KHDRBS2: variants seen among roughly 807,000 people sequenced by gnomAD.
KHDRBS2 encodes the protein KH RNA binding domain containing, signal transduction associated 2.
In KHDRBS2, 26 loss-of-function variants were observed where a neutral mutation model predicts 44.3. That is an observed-to-expected ratio of 0.59 (90% CI 0.43 to 0.81). The LOEUF is 0.81. Ranked by LOEUF, KHDRBS2 falls within the 40% of genes least tolerant of loss-of-function variation. The pLI is 0.00. For missense variants in KHDRBS2, 476 were observed against 433.1 expected, an observed-to-expected ratio of 1.10 and a Z score of -0.88; for synonymous variants, 194 against 151.1, an observed-to-expected ratio of 1.28 and a Z score of -2.08.
At chr6:61,846,824 G>A (rs1413035604) in intron 6 of KHDRBS2, among the ~76,000 whole-genome samples, 1 of 151,626 alleles carries the variant, frequency 6.6e-6, no homozygotes, top group Non-Finnish European at 1.5e-5. Context: ...ATAGGATATT[G>A]TTGATTAATT....
intron 6 of KHDRBS2, among the ~76,000 whole-genome samples, chr6:61,864,239 C>T (rs1200562556): frequency 2.0e-5 from 3 of 152,154 alleles, no homozygotes; most frequent in African/African-American, 7.2e-5. Flanking sequence ...GCTTGCCACT[C>T]TGTGTCTTTT....
At position 61,809,460 on chromosome 6, in the gene KHDRBS2, A is replaced by T. The variant is rs1268082313; in HGVS notation, c.811-76696T>A. On this transcript the variant is annotated intron_variant, in intron 6 of 8. Transcript: ENST00000281156. Reference sequence around the variant, plus strand: ...GCACACAAGCCTGAAATGCTTAGCTATTGTAATATCTGAGCTGTTATCAGA... The same window carrying T: ...GCACACAAGCCTGAAATGCTTAGCTTTTGTAATATCTGAGCTGTTATCAGA... Among the ~76,000 whole-genome samples, 3 of 152,226 alleles carry T rather than the reference A, an allele frequency of 2.0e-5. No homozygotes were observed. The East Asian group carries it at 5.8e-4, about 29-fold the overall frequency.
At chr6:61,992,689 T>C (rs192122419) in intron 3 of KHDRBS2, among the ~76,000 whole-genome samples, 9 of 152,274 alleles carry the variant, frequency 5.9e-5, no homozygotes, top group African/African-American at 1.9e-4. Flanking sequence ...AAATCATATA[T>C]AAATGGTTAA....
chr6:62,250,272 CTT>C (rs1342680943), intron 1 of KHDRBS2, among the ~76,000 whole-genome samples: 1 of 152,082 alleles, frequency 6.6e-6, no homozygotes, highest in Non-Finnish European at 1.5e-5. Context: ...AACATTATCT[CTT>C]GATATTTCCT....
At chr6:62,223,227 GGCTCAACACCGC>G (rs1831192213) in intron 1 of KHDRBS2, among the ~76,000 whole-genome samples, 1 of 152,214 alleles carries the variant, frequency 6.6e-6, no homozygotes, top group African/African-American at 2.4e-5. Flanking sequence ...TGCACTCGCA[GGCTCAACACCGC>G]GTGGAGGCTG....
At chr6:61,781,595 T>C (rs561992949) in intron 6 of KHDRBS2, among the ~76,000 whole-genome samples, 2 of 152,336 alleles carry the variant, frequency 1.3e-5, no homozygotes, top group South Asian at 2.1e-4. Flanking sequence ...TTTATTTCAT[T>C]TATGTATTTT....
At chr6:62,063,893 C>T (rs1792779629) in intron 2 of KHDRBS2, among the ~76,000 whole-genome samples, 1 of 137,164 alleles carries the variant, frequency 7.3e-6, no homozygotes, top group Non-Finnish European at 1.6e-5. Context: ...ATTGTCTCAG[C>T]CCAAAATCTC....
At position 62,285,881 on chromosome 6, in the gene KHDRBS2, T is replaced by A. The variant is rs201690272; in HGVS notation, c.68A>T (p.His23Leu). 1 of 1,613,338 alleles carries A rather than the reference T, an allele frequency of 6.2e-7. No individual in the cohort carries two copies. The highest frequency in any genetic ancestry group is 2.2e-5 in the East Asian group (1 of 44,774). Reference sequence around the variant, plus strand: ...ACCTTCTGCCAAAAGGCGCGACGCATGCACAAAAGATGGATCCAGGCTATC... The same window carrying A: ...ACCTTCTGCCAAAAGGCGCGACGCAAGCACAAAAGATGGATCCAGGCTATC... ...EKDSLDPSFV[H>L]ASRLLAEEIE... The change falls in exon 1 of 9, where the codon CAT becomes CTT. Residue 23 changes from histidine to leucine, a missense_variant. His to Leu is a moderately conservative substitution (Grantham distance 99, BLOSUM62 -3). Coordinates refer to ENST00000281156, the MANE Select transcript of KHDRBS2 (RefSeq NM_152688.4).
In KHDRBS2 at chr6:61,732,372, T is replaced by C. The variant is rs141891618; in HGVS notation, c.893+310A>G. On this transcript the variant is annotated intron_variant, in intron 7 of 8. Transcript: ENST00000281156. ...AAAAAAGCTACATTGAACAAGTGCC[T>C]TACTTTTATTATTGTCTTTTAAAAA... Among the ~76,000 whole-genome samples, 16 of 152,218 alleles carry C rather than the reference T, an allele frequency of 1.1e-4. 1 individual carries two copies. In the East Asian group the frequency reaches 2.5e-3, roughly 24 times the overall value.
chr6:62,007,325 G>A (rs1779430313), intron 3 of KHDRBS2, among the ~76,000 whole-genome samples: 1 of 151,540 alleles, frequency 6.6e-6, no homozygotes, highest in South Asian at 2.1e-4. Flanking sequence ...CAGTTCTGAG[G>A]ACCTTTACTC....
intron 1 of KHDRBS2, among the ~76,000 whole-genome samples, chr6:62,259,589 A>G (rs1381577100): frequency 1.3e-5 from 2 of 151,974 alleles, no homozygotes; most frequent in East Asian, 3.9e-4. Context: ...ATAGAGGAGA[A>G]TGGTTTAGAT....
At chr6:61,997,887 A>C (rs1194069361) in intron 3 of KHDRBS2, among the ~76,000 whole-genome samples, 2 of 152,228 alleles carry the variant, frequency 1.3e-5, no homozygotes, top group African/African-American at 4.8e-5. Flanking sequence ...AGAAATAACT[A>C]CTGCACATTC....
the KHDRBS2 span, among the ~76,000 whole-genome samples, chr6:61,574,150 T>C: frequency 6.6e-6 from 1 of 151,892 alleles, no homozygotes; most frequent in Non-Finnish European, 1.5e-5. Context: ...CAAGGAAAGG[T>C]TAAAAAAAGT....
At chr6:61,583,169 T>A in the KHDRBS2 span, among the ~76,000 whole-genome samples, 1 of 151,968 alleles carries the variant, frequency 6.6e-6, no homozygotes, top group East Asian at 1.9e-4. Flanking sequence ...CTGAGAAGTA[T>A]GATCTGATTT....
intron 6 of KHDRBS2, among the ~76,000 whole-genome samples, chr6:61,782,896 C>A (rs576198193): frequency 6.6e-6 from 1 of 151,636 alleles, no homozygotes; most frequent in Non-Finnish European, 1.5e-5. Context: ...AGGCCATATT[C>A]TTCTTATGGC....
intron 6 of KHDRBS2, among the ~76,000 whole-genome samples, chr6:61,809,170 CTAA>C (rs1007227934): frequency 3.9e-5 from 6 of 151,938 alleles, no homozygotes; most frequent in African/African-American, 9.7e-5. Context: ...GTCAAATTTA[CTAA>C]TACCAGTCTA....
chr6:62,063,492 T>C (rs957359059), intron 2 of KHDRBS2, among the ~76,000 whole-genome samples: 1 of 150,964 alleles, frequency 6.6e-6, no homozygotes, highest in African/African-American at 2.4e-5. Context: ...AATCAATAAA[T>C]GTAATCCAGC....
chr6:61,832,692 A>G (rs1485793387), intron 6 of KHDRBS2, among the ~76,000 whole-genome samples: 1 of 152,152 alleles, frequency 6.6e-6, no homozygotes, highest in African/African-American at 2.4e-5. Context: ...CTGATTACCA[A>G]ACTCCTTAAG....
intron 4 of KHDRBS2, among the ~76,000 whole-genome samples, chr6:61,945,150 T>TATATATATACAC (rs371595813): frequency 1.2e-3 from 101 of 86,960 alleles, no homozygotes; most frequent in African/African-American, 1.9e-3. Flanking sequence ...TATATATATA[T>TATATATATACAC]ACACACAGAC....
Sources: allele counts gnomAD v4.1 joint callset (sites outside exome capture counted in the v4.1 genomes callset), GRCh38; gene constraint gnomAD v4.1.1; transcripts MANE v1.5; gene names NCBI Gene and HGNC (gene_info 2026-07-23, HGNC 2026-07-21).